ENTREP2: variants seen among roughly 807,000 people sequenced by gnomAD.
The protein encoded by ENTREP2 is endosomal transmembrane epsin interactor 2.
At chr15:29,638,783 A>G in the ENTREP2 span, among the ~76,000 whole-genome samples, 4 of 150,580 alleles carry the variant, frequency 2.7e-5, no homozygotes, top group Non-Finnish European at 4.4e-5. Context: ...CTATTTTTCT[A>G]TCACTGTGGC....
At chr15:29,340,106 C>G in the ENTREP2 span, among the ~76,000 whole-genome samples, 1 of 152,188 alleles carries the variant, frequency 6.6e-6, no homozygotes, top group South Asian at 2.1e-4. Flanking sequence ...CAAGATAAAA[C>G]TGACTTAAGG....
At chr15:29,354,632 C>T in the ENTREP2 span, among the ~76,000 whole-genome samples, 4 of 152,032 alleles carry the variant, frequency 2.6e-5, no homozygotes, top group South Asian at 4.2e-4. Context: ...CTGAGTCTCA[C>T]GGTGATAAAC....
chr15:29,180,149 C>T, the ENTREP2 span, among the ~76,000 whole-genome samples: 1 of 152,108 alleles, frequency 6.6e-6, no homozygotes, highest in African/African-American at 2.4e-5. Context: ...ATGTGTCCAG[C>T]AGACAACTAG....
the ENTREP2 span, among the ~76,000 whole-genome samples, chr15:29,237,326 G>A: frequency 6.6e-6 from 1 of 152,046 alleles, no homozygotes; most frequent in Non-Finnish European, 1.5e-5. Flanking sequence ...TGGATTTTCG[G>A]AGACCTGGTT....
the ENTREP2 span, among the ~76,000 whole-genome samples, chr15:29,594,307 C>A: frequency 1.3e-5 from 2 of 152,080 alleles, no homozygotes; most frequent in Admixed American, 6.5e-5. Context: ...ATCCTGGCAG[C>A]CTCACCTCCC....
At chr15:29,661,261 C>T in the ENTREP2 span, among the ~76,000 whole-genome samples, 1 of 152,182 alleles carries the variant, frequency 6.6e-6, no homozygotes, top group Admixed American at 6.5e-5. Context: ...AGTGCAATGG[C>T]GAGATCTCTG....
At chr15:29,435,396 C>T in the ENTREP2 span, among the ~76,000 whole-genome samples, 212 of 152,226 alleles carry the variant, frequency 1.4e-3, 1 homozygote, top group Non-Finnish European at 2.4e-3. Flanking sequence ...CTGCCTGGCA[C>T]TCCCAGGAAT....
At chr15:29,269,054 C>A in the ENTREP2 span, 1 of 1,614,124 alleles carries the variant, frequency 6.2e-7, no homozygotes, top group Non-Finnish European at 8.5e-7. Flanking sequence ...TTCTTTGGAT[C>A]TCCGAAAATT....
chr15:29,367,146 CG>C, the ENTREP2 span, among the ~76,000 whole-genome samples: 1 of 152,162 alleles, frequency 6.6e-6, no homozygotes, highest in Admixed American at 6.5e-5. Context: ...AGCTGAATCT[CG>C]GTAAGAACAG....
chr15:29,631,949 G>A, the ENTREP2 span, among the ~76,000 whole-genome samples: 178 of 152,284 alleles, frequency 1.2e-3, no homozygotes, highest in African/African-American at 3.9e-3. Flanking sequence ...TCTCCTTTGA[G>A]ACTTCACTGC....
the ENTREP2 span, among the ~76,000 whole-genome samples, chr15:29,650,766 A>G: frequency 6.6e-6 from 1 of 152,032 alleles, no homozygotes; most frequent in Admixed American, 6.6e-5. Flanking sequence ...TGCTTTCTGT[A>G]CTGCTTCTGA....
the ENTREP2 span, among the ~76,000 whole-genome samples, chr15:29,537,794 G>A: frequency 1.9e-4 from 29 of 152,204 alleles, no homozygotes; most frequent in Non-Finnish European, 3.7e-4. Context: ...TACTGATGGG[G>A]ATCCCTGTCC....
chr15:29,646,033 C>T, the ENTREP2 span, among the ~76,000 whole-genome samples: 2 of 152,228 alleles, frequency 1.3e-5, no homozygotes, highest in African/African-American at 4.8e-5. Context: ...TGTTTTTGGT[C>T]TTGTCTTGAA....
chr15:29,569,222 C>A, the ENTREP2 span, among the ~76,000 whole-genome samples: 694 of 152,268 alleles, frequency 4.6e-3, 4 homozygotes, highest in African/African-American at 0.016. Context: ...TGTTCCTATT[C>A]AGCTCTCCAA....
the ENTREP2 span, among the ~76,000 whole-genome samples, chr15:29,520,176 G>A: frequency 6.6e-6 from 1 of 152,162 alleles, no homozygotes; most frequent in Non-Finnish European, 1.5e-5. Context: ...GGCCAAATGT[G>A]CATTATGTGA....
At chr15:29,489,442 T>C in the ENTREP2 span, among the ~76,000 whole-genome samples, 3 of 152,180 alleles carry the variant, frequency 2.0e-5, no homozygotes, top group African/African-American at 7.2e-5. Context: ...GGGTGATCTT[T>C]ATCAACAGTC....
chr15:29,499,896 G>A, the ENTREP2 span, among the ~76,000 whole-genome samples: 1 of 152,038 alleles, frequency 6.6e-6, no homozygotes, highest in Non-Finnish European at 1.5e-5. Flanking sequence ...GAAAGTAAAA[G>A]GAAAGAAAAG....
the ENTREP2 span, among the ~76,000 whole-genome samples, chr15:29,444,618 C>A: frequency 1.3e-5 from 2 of 152,086 alleles, no homozygotes; most frequent in African/African-American, 2.4e-5. Flanking sequence ...AGGCGCCCAC[C>A]ACCATGCCTG....
chr15:29,264,150 G>C, the ENTREP2 span, among the ~76,000 whole-genome samples: 1 of 4,664 alleles, frequency 2.1e-4, no homozygotes, highest in South Asian at 5.4e-3. Context: ...GCGAGACTCC[G>C]TCTCAAAAAA....
Sources: gnomAD v4.1 joint callset for allele counts (sites outside exome capture counted in the v4.1 genomes callset) on GRCh38, gnomAD v4.1.1 for gene constraint, MANE v1.5 for transcripts, NCBI Gene and HGNC (gene_info 2026-07-23, HGNC 2026-07-21) for gene names.